CNTN1: variants seen among roughly 807,000 people sequenced by gnomAD.
CNTN1 encodes the protein contactin-1.
A neutral mutation model predicts 126.4 loss-of-function variants in CNTN1; 38 were observed. The observed-to-expected ratio is 0.30, with a 90% CI of 0.23 to 0.39. The LOEUF (loss-of-function observed/expected upper bound fraction) is 0.39, where lower values mean the gene tolerates loss of function less well. Ranked by LOEUF, CNTN1 falls within the 10% of genes least tolerant of loss-of-function variation. The pLI is 1.00. For synonymous variants in CNTN1, 413 were observed against 422.6 expected (o/e 0.98, Z 0.28); for missense variants, 1,009 against 1,248.4 (o/e 0.81, Z 2.89).
chr12:41,020,292 A>T (rs756436493), intron 19 of CNTN1, 45 bp from the exon 20 acceptor site: 1 of 1,234,788 alleles, frequency 8.1e-7, no homozygotes, highest in Admixed American at 1.8e-5. Context: ...AATTTCTTAA[A>T]TGTAAATATC....
chr12:40,823,878 A>C (rs1941528884), intron 1 of CNTN1, among the ~76,000 whole-genome samples: 1 of 152,090 alleles, frequency 6.6e-6, no homozygotes. Context: ...TTATCTCACC[A>C]TATTCTTGTA....
intron 14 of CNTN1, among the ~76,000 whole-genome samples, chr12:40,951,714 TTAAAAA>T (rs1304565045): frequency 1.0e-4 from 8 of 79,626 alleles, no homozygotes; most frequent in Admixed American, 5.2e-4. Context: ...GTCTCAAAAT[TTAAAAA>T]AAAAAAAAAA....
intron 17 of CNTN1, among the ~76,000 whole-genome samples, chr12:40,998,092 G>A (rs57759022): frequency 0.014 from 2,172 of 152,088 alleles, 42 homozygotes; most frequent in African/African-American, 0.05. Context: ...AGTGATCAAG[G>A]CAACAATAGA....
intron 1 of CNTN1, among the ~76,000 whole-genome samples, chr12:40,903,943 T>C (rs1260574748): frequency 6.6e-6 from 1 of 152,216 alleles, no homozygotes; most frequent in African/African-American, 2.4e-5. Flanking sequence ...TTCTGGAGTA[T>C]ATTTATAAAC....
intron 1 of CNTN1, among the ~76,000 whole-genome samples, chr12:40,765,057 TTA>T (rs1939026001): frequency 6.6e-6 from 1 of 151,264 alleles, no homozygotes; most frequent in Admixed American, 6.6e-5. Context: ...ATATTTTATA[TTA>T]TATATATTAG....
At chr12:40,820,130 G>A (rs1479336173) in intron 1 of CNTN1, among the ~76,000 whole-genome samples, 1 of 152,196 alleles carries the variant, frequency 6.6e-6, no homozygotes, top group African/African-American at 2.4e-5. Context: ...CATGGCAGAA[G>A]GCAAAGGGGA....
chr12:41,069,622 CT>C (rs1950122810), intron 23 of CNTN1, among the ~76,000 whole-genome samples: 1 of 141,188 alleles, frequency 7.1e-6, no homozygotes, highest in African/African-American at 2.6e-5. Context: ...ATTTTTAAAA[CT>C]TACTTTTTTA....
At chr12:40,758,181 C>G (rs1938687062) in intron 1 of CNTN1, among the ~76,000 whole-genome samples, 1 of 150,990 alleles carries the variant, frequency 6.6e-6, no homozygotes, top group Non-Finnish European at 1.5e-5. Flanking sequence ...ATTCTGTAAT[C>G]ACATCAGTGA....
intron 23 of CNTN1, among the ~76,000 whole-genome samples, chr12:41,053,928 T>A (rs943115600): frequency 2.0e-5 from 3 of 151,852 alleles, no homozygotes; most frequent in African/African-American, 7.2e-5. Flanking sequence ...TTTAAAAATA[T>A]ATATTGTATG....
chr12:40,783,299 T>C (rs1939877181), intron 1 of CNTN1, among the ~76,000 whole-genome samples: 1 of 151,996 alleles, frequency 6.6e-6, no homozygotes, highest in Non-Finnish European at 1.5e-5. Context: ...AATTATCAGA[T>C]GAACAGTTTT....
chr12:40,970,648 A>G (rs1389118075), intron 15 of CNTN1, among the ~76,000 whole-genome samples: 1 of 152,154 alleles, frequency 6.6e-6, no homozygotes, highest in African/African-American at 2.4e-5. Flanking sequence ...TAATATACAC[A>G]TACTGTTGTT....
chr12:40,706,439 A>G (rs533568470), intron 1 of CNTN1, among the ~76,000 whole-genome samples: 1 of 152,190 alleles, frequency 6.6e-6, no homozygotes, highest in South Asian at 2.1e-4. Context: ...TGTATCTTGT[A>G]TAAACTTCTC....
At chr12:40,922,590 G>A (rs1945484682) in intron 5 of CNTN1, among the ~76,000 whole-genome samples, 162 bp downstream of exon 5, 2 of 152,020 alleles carry the variant, frequency 1.3e-5, no homozygotes, top group African/African-American at 4.8e-5. Flanking sequence ...AGCACCACAA[G>A]GCATACTATG....
chr12:41,001,691 C>A (rs1234743666), intron 17 of CNTN1, among the ~76,000 whole-genome samples: 1 of 152,136 alleles, frequency 6.6e-6, no homozygotes, highest in African/African-American at 2.4e-5. Context: ...CTTCTGAAAT[C>A]TTTGCCCATT....
intron 1 of CNTN1, among the ~76,000 whole-genome samples, chr12:40,855,802 TAGAC>T (rs1942886428): frequency 6.6e-6 from 1 of 152,286 alleles, no homozygotes; most frequent in Non-Finnish European, 1.5e-5. Context: ...TTGCCAAAAT[TAGAC>T]AGAGTTTAAT....
At chr12:40,698,322 G>A (rs1156622721) in intron 1 of CNTN1, among the ~76,000 whole-genome samples, 1 of 133,678 alleles carries the variant, frequency 7.5e-6, no homozygotes, top group Non-Finnish European at 1.5e-5. Flanking sequence ...TGCAAGCTCC[G>A]CCTCCTGGGT....
At chr12:40,930,130 C>T in intron 7 of CNTN1, 128 bp downstream of exon 7, 1 of 805,154 alleles carries the variant, frequency 1.2e-6, no homozygotes, top group Non-Finnish European at 2.1e-6. Context: ...AAAGGGGATG[C>T]ATGTTGAAGG....
chr12:41,061,711 G>T, intron 23 of CNTN1: 1 of 441,626 alleles, frequency 2.3e-6, no homozygotes. Context: ...CAGACTCAGG[G>T]CTGTAGTAGG....
chr12:40,922,468 T>G, intron 5 of CNTN1, 40 bp downstream of exon 5: 2 of 1,585,054 alleles, frequency 1.3e-6, no homozygotes, highest in Non-Finnish European at 1.7e-6. Flanking sequence ...CAAGCGTGTT[T>G]AGGTGAGTTC....
Sources: allele counts gnomAD v4.1 joint callset (sites outside exome capture counted in the v4.1 genomes callset), GRCh38; gene constraint gnomAD v4.1.1; transcripts MANE v1.5; gene names NCBI Gene and HGNC (gene_info 2026-07-23, HGNC 2026-07-21).